The following GHR variants were observed in gnomAD, a reference collection of about 807,000 sequenced individuals.
GHR encodes growth hormone receptor.
In GHR, 35 loss-of-function variants were observed where a neutral mutation model predicts 67.1. That is an observed-to-expected ratio of 0.52 (90% CI 0.40 to 0.69). GHR has a LOEUF of 0.69. Among genes scored for constraint, GHR ranks in the 30% least tolerant of loss-of-function variants. GHR has a pLI of 0.00. For missense variants in GHR, 792 were observed against 764.6 expected, an observed-to-expected ratio of 1.04 and a Z score of -0.42; for synonymous variants, 272 against 269.1, an observed-to-expected ratio of 1.01 and a Z score of -0.10.
chr5:42,579,084 TAGATAG>T (rs1750936896), intron 2 of GHR, among the ~76,000 whole-genome samples: 1 of 78,412 alleles, frequency 1.3e-5, no homozygotes, highest in Non-Finnish European at 2.8e-5. Flanking sequence ...TATAGATAGA[TAGATAG>T]ATAGATAGAT....
At chr5:42,546,810 A>G (rs1482890004) in intron 1 of GHR, among the ~76,000 whole-genome samples, 2 of 152,332 alleles carry the variant, frequency 1.3e-5, no homozygotes, top group East Asian at 1.9e-4. Flanking sequence ...CTCAAACCCA[A>G]GTGGGAAATG....
intron 1 of GHR, among the ~76,000 whole-genome samples, chr5:42,504,970 A>G (rs1041185415): frequency 1.3e-5 from 2 of 152,172 alleles, no homozygotes; most frequent in African/African-American, 4.8e-5. Context: ...GAATTGCTCC[A>G]GATTTTTGAA....
chr5:42,692,585 G>T (rs759937760), intron 4 of GHR, among the ~76,000 whole-genome samples: 7 of 152,216 alleles, frequency 4.6e-5, no homozygotes, highest in Non-Finnish European at 1.0e-4. Context: ...GAGGTTGGAA[G>T]TAGTGTTTTG....
intron 2 of GHR, among the ~76,000 whole-genome samples, chr5:42,583,538 G>GT (rs1384047255): frequency 5.9e-5 from 9 of 152,324 alleles, no homozygotes; most frequent in Admixed American, 3.3e-4. Flanking sequence ...GTTCACACAA[G>GT]TCAGCGCAGG....
chr5:42,529,106 G>A (rs1747840140), intron 1 of GHR, among the ~76,000 whole-genome samples: 1 of 151,540 alleles, frequency 6.6e-6, no homozygotes, highest in Admixed American at 6.6e-5. Flanking sequence ...CTGCCTCCCG[G>A]GTTCACGCCA....
intron 3 of GHR, among the ~76,000 whole-genome samples, chr5:42,637,294 T>A (rs73087465): frequency 0.026 from 3,936 of 152,218 alleles, 163 homozygotes; most frequent in African/African-American, 0.089. Flanking sequence ...AGCAAAGCAA[T>A]TAATTCTTTT....
intron 1 of GHR, among the ~76,000 whole-genome samples, chr5:42,481,667 G>C (rs1745644149): frequency 6.6e-6 from 1 of 152,058 alleles, no homozygotes; most frequent in Non-Finnish European, 1.5e-5. Flanking sequence ...TCTTCCAGTT[G>C]ATCTCATCGG....
rs114549998 is a variant in GHR, at chr5:42,547,918, C to T, written c.-11-17946C>T. 3.8e-3 allele frequency: 662 copies of T among 175,582 alleles called. 3 individuals carry two copies. The highest frequency in any genetic ancestry group is 6.3e-3 in the Non-Finnish European group (565 of 89,490). 10.9% of individuals were successfully genotyped at this position (175,582 alleles called of 1,614,324 possible). A position where few individuals can be genotyped will look rare whatever the true frequency, so the allele number is the denominator to read the frequency against. ...ACTTTAATGAGGTAGCAGTGAGTAC[C>T]ACAAATGGTCACTTCTGCCTTTGTT... is the stretch of plus-strand genomic sequence containing the variant. On this transcript the variant is annotated intron_variant, in intron 1 of 9. Coordinates refer to ENST00000230882, the MANE Select transcript of GHR (RefSeq NM_000163.5).
At chr5:42,549,625 G>T in intron 1 of GHR, 2 of 976,034 alleles carry the variant, frequency 2.0e-6, no homozygotes, top group Non-Finnish European at 2.4e-6. Flanking sequence ...GGTGTGAATA[G>T]CCCAGAACCT....
At chr5:42,495,796 A>T (rs1415345424) in intron 1 of GHR, among the ~76,000 whole-genome samples, 1 of 152,206 alleles carries the variant, frequency 6.6e-6, no homozygotes, top group African/African-American at 2.4e-5. Flanking sequence ...ATTTAGCTCT[A>T]CAAGTCTCCA....
At chr5:42,521,389 T>C (rs1244932905) in intron 1 of GHR, among the ~76,000 whole-genome samples, 1 of 152,214 alleles carries the variant, frequency 6.6e-6, no homozygotes, top group East Asian at 1.9e-4. Flanking sequence ...CTTTGATCTA[T>C]ATACTATGAA....
At chr5:42,493,845 C>T (rs1467922942) in intron 1 of GHR, among the ~76,000 whole-genome samples, 1 of 152,138 alleles carries the variant, frequency 6.6e-6, no homozygotes, top group Non-Finnish European at 1.5e-5. Flanking sequence ...ATGCTATAGT[C>T]ATGCTGCAAA....
At chr5:42,639,739 T>C (rs745547000) in intron 3 of GHR, among the ~76,000 whole-genome samples, 2 of 152,196 alleles carry the variant, frequency 1.3e-5, no homozygotes, top group East Asian at 3.8e-4. Flanking sequence ...ATCTCTTGCA[T>C]TGAACTTCAG....
chr5:42,508,654 A>G (rs1221493715), intron 1 of GHR, among the ~76,000 whole-genome samples: 1 of 152,154 alleles, frequency 6.6e-6, no homozygotes, highest in Non-Finnish European at 1.5e-5. Flanking sequence ...GCTCACTGCA[A>G]GCTGCGCCTC....
At chr5:42,582,026 G>A (rs1479376532) in intron 2 of GHR, among the ~76,000 whole-genome samples, 1 of 152,254 alleles carries the variant, frequency 6.6e-6, no homozygotes, top group Non-Finnish European at 1.5e-5. Context: ...CACACTCGGA[G>A]CAGTGCTGAC....
chr5:42,448,014 A>C (rs1029457732), intron 1 of GHR, among the ~76,000 whole-genome samples: 2 of 152,010 alleles, frequency 1.3e-5, no homozygotes, highest in African/African-American at 4.8e-5. Flanking sequence ...CACCCACCTC[A>C]GTCTCCCAAA....
intron 1 of GHR, among the ~76,000 whole-genome samples, chr5:42,441,717 G>T (rs1316715260): frequency 1.3e-5 from 2 of 152,102 alleles, no homozygotes. Flanking sequence ...CACCGTGTTA[G>T]CCAGGATGGT....
chr5:42,624,674 T>G (rs1753613950), intron 2 of GHR, among the ~76,000 whole-genome samples: 1 of 152,208 alleles, frequency 6.6e-6, no homozygotes, highest in African/African-American at 2.4e-5. Flanking sequence ...TAACTTAATT[T>G]TTTTCTTCCT....
intron 1 of GHR, among the ~76,000 whole-genome samples, chr5:42,476,029 C>G (rs1284743487): frequency 2.0e-5 from 3 of 151,794 alleles, no homozygotes; most frequent in East Asian, 1.9e-4. Flanking sequence ...CTCAGCCTCC[C>G]GAGTAGCTGG....
Sources: gnomAD v4.1 joint callset for allele counts (sites outside exome capture counted in the v4.1 genomes callset) on GRCh38, gnomAD v4.1.1 for gene constraint, MANE v1.5 for transcripts, NCBI Gene and HGNC (gene_info 2026-07-23, HGNC 2026-07-21) for gene names.